FLG: variants seen among roughly 807,000 people sequenced by gnomAD.
The protein encoded by FLG is filaggrin.
In FLG, 6 loss-of-function variants were observed where a neutral mutation model predicts 3.8. The ratio of observed to expected loss-of-function variants is 1.60; its 90% CI spans 0.87 to 3.15. The LOEUF is 3.15. Among genes scored for constraint, FLG ranks in the 30% most tolerant of loss-of-function variants. The probability of loss-of-function intolerance (pLI) is 0.00; values close to 1 mark genes in which losing one functional copy is unlikely to be tolerated. For missense variants in FLG, 7,595 were observed against 5,050.9 expected (o/e 1.50, Z -15.27); for synonymous variants, 2,551 against 1,931.6 (o/e 1.32, Z -8.41).
chr1:152,304,782 G>A lies in FLG; in HGVS notation c.10104C>T (p.His3368=). Residue 3368 remains histidine (H), a synonymous_variant, in exon 3 of 3, where the codon CAC becomes CAT. Transcript: ENST00000368799. ...HGQAGPHQQS[H]QESARDRSGG... Reference sequence around the variant, plus strand: ...CTGACCGGTCACGTGCGGACTCTTGGTGGCTCTGCTGATGGGGCCCAGCCT... The same window carrying A: ...CTGACCGGTCACGTGCGGACTCTTGATGGCTCTGCTGATGGGGCCCAGCCT... 2 of 1,613,854 alleles carry A rather than the reference G, an allele frequency of 1.2e-6. No homozygotes were observed. Among genetic ancestry groups the A allele is most frequent in the Non-Finnish European group, 1.7e-6 (2 of 1,179,964 alleles).
Position 152,311,740 on chromosome 1 carries a change from A to G in FLG, c.3146T>C (p.Ile1049Thr), listed in dbSNP as rs763524963. The G allele has an allele frequency of 1.9e-6, 3 of 1,613,626 alleles. No individual in the cohort carries two copies. Among genetic ancestry groups the G allele is most frequent in the South Asian group, 1.1e-5 (1 of 91,046 alleles). Residue 1049 changes from isoleucine (I) to threonine (T), a missense_variant, in exon 3 of 3, where the codon ATT becomes ACT. Coordinates refer to ENST00000368799, the MANE Select transcript of FLG (RefSeq NM_002016.2). Reference protein sequence around the residue: ...QSADSSRHSGIPRRQASSAVR... With the variant: ...QSADSSRHSGTPRRQASSAVR... ...TGCAGATGAAGCTTGTCTGCGCGGA[A>G]TGCCTGAGTGTCTGGAGCTGTCTGC...
Position 152,311,380 on chromosome 1 carries a change from G to T in FLG, c.3506C>A (p.Pro1169Gln), listed in dbSNP as rs754087511. The T allele has an allele frequency of 1.2e-6, 2 of 1,613,500 alleles. No homozygotes were observed. The highest frequency in any genetic ancestry group is 1.1e-5 in the South Asian group (1 of 91,038). The change falls in exon 3 of 3, where the codon CCG (proline) becomes CAG (glutamine). Residue 1169 changes from proline to glutamine, a missense_variant. Physicochemically the swap from Pro to Gln is moderately conservative, Grantham distance 76 (BLOSUM62 -1). Coordinates refer to ENST00000368799, the MANE Select transcript of FLG (RefSeq NM_002016.2). ...CTGCCTTCCTCCTCTCCTTGACCCC[G>T]GGTGTGCACGAATGGTGTCCTGACC... ...QEGQDTIRAH[P>Q]GSRRGGRQGS...
chr1:152,309,530 T>C lies in FLG; in HGVS notation c.5356A>G (p.Thr1786Ala). The C allele has an allele frequency of 1.9e-6, 3 of 1,613,858 alleles. No individual in the cohort carries two copies. In the South Asian group the frequency reaches 3.3e-5, roughly 18 times the overall value. ...TGGCGGGATCTTTGTCTTCCTCCAG[T>C]GCTGGGCCCTGTGCGTCCATGGGCG... ...ESAHGRTGPS[T>A]GGRQRSRHEQ... is the part of the protein sequence containing the mutation. The change falls in exon 3 of 3, where the codon ACT becomes GCT. Residue 1786 changes from threonine to alanine, a missense_variant. Transcript: ENST00000368799.
rs754603159 is a variant in FLG, at chr1:152,307,288, C to T, written c.7598G>A (p.Arg2533His). 1.9e-5 allele frequency: 30 copies of T among 1,612,866 alleles called. No individual in the cohort carries two copies. The highest frequency in any genetic ancestry group is 1.8e-4 in the East Asian group (8 of 44,760). Reference protein sequence around the residue: ...SGDGSRHSGSRHHEASSRADS... With the variant: ...SGDGSRHSGSHHHEASSRADS... ...GGCCCGAGAGGAAGCTTCATGGTGA[C>T]GCGACCCTGAGTGCCTGGAGCCGTC... Residue 2533 changes from arginine (R) to histidine (H), a missense_variant, in exon 3 of 3, where the codon CGT becomes CAT. Transcript: ENST00000368799.
intron 1 of FLG, among the ~76,000 whole-genome samples, chr1:152,319,338 GTGTT>G (rs1652882897): frequency 6.7e-6 from 1 of 149,596 alleles, no homozygotes; most frequent in African/African-American, 2.5e-5. Flanking sequence ...GTGTGTGTGT[GTGTT>G]TGAAGGTATC....
intron 1 of FLG, among the ~76,000 whole-genome samples, chr1:152,321,285 A>G (rs1340082953): frequency 6.6e-6 from 1 of 150,974 alleles, no homozygotes; most frequent in African/African-American, 2.4e-5. Context: ...GAAGTTTTAA[A>G]AAGAACAAAT....
chr1:152,311,330 C>G lies in FLG; in HGVS notation c.3556G>C (p.Asp1186His), dbSNP rs1652405602. 6.2e-7 allele frequency: 1 copy of G among 1,613,782 alleles called. No homozygotes were observed. The highest frequency in any genetic ancestry group is 8.5e-7 in the Non-Finnish European group (1 of 1,179,984). The change falls in exon 3 of 3, where the codon GAT (aspartate) becomes CAT (histidine). Residue 1186 changes from aspartate (D) to histidine (H), a missense_variant. Asp to His is a moderately conservative substitution (Grantham distance 81). Transcript: ENST00000368799. ...TGGGACCCTGAGTGTCCAGATCTAT[C>G]TACCGATTGCTCATGGTGGGATCCC... ...RQGSHHEQSVDRSGHSGSHHS... is the reference protein window; with the variant it reads ...RQGSHHEQSVHRSGHSGSHHS...
At position 152,310,486 on chromosome 1, in the gene FLG, C is replaced by G; in HGVS notation, c.4400G>C (p.Gly1467Ala). The change falls in exon 3 of 3, where the codon GGA becomes GCA. Residue 1467 changes from glycine (G) to alanine (A), a missense_variant. Transcript: ENST00000368799. ...GTTTCGTGCCTGCTCATGGCGGGAT[C>G]CTTGTCTTCCTCCAGTGCTGGGTGC... ...QTAPSTGGRQ[G>A]SRHEQARNSS... is the part of the protein sequence containing the mutation. The G allele has an allele frequency of 1.2e-6, 2 of 1,613,792 alleles. No individual in the cohort carries two copies. The highest frequency in any genetic ancestry group is 8.5e-7 in the Non-Finnish European group (1 of 1,179,872).
In FLG at chr1:152,315,393, C is replaced by T; in HGVS notation, c.64G>A (p.Asp22Asn). 1.2e-6 allele frequency: 2 copies of T among 1,612,202 alleles called. No individual in the cohort carries two copies. Among genetic ancestry groups the T allele is most frequent in the South Asian group, 1.1e-5 (1 of 90,738 alleles). ...INLFKQYSKK[D>N]KNTDTLSKKE... is the part of the protein sequence containing the mutation. ...TTACTCAATGTGTCAGTGTTTTTAT[C>T]TTTTTTTGAATATTGCTTGAAAAGA... Residue 22 changes from aspartate to asparagine, a missense_variant, in exon 2 of 3, where the codon GAT (aspartate) becomes AAT (asparagine). Asp to Asn is a conservative substitution (Grantham distance 23). Coordinates refer to ENST00000368799, the MANE Select transcript of FLG (RefSeq NM_002016.2).
rs143581559 is a variant in FLG, at chr1:152,313,687, G to A, written c.1199C>T (p.Thr400Ile). The change falls in exon 3 of 3, where the codon ACT becomes ATT. Residue 400 changes from threonine (T) to isoleucine (I), a missense_variant. Transcript: ENST00000368799. ...TGCAGATGAAGCTTGCCCGCGCCCA[G>A]TGGCTGAGTGTCTGGAGCTGTCTGC... ...QSADSSRHSATGRGQASSAVS... is the reference protein window; with the variant it reads ...QSADSSRHSAIGRGQASSAVS... 5 of 1,613,960 alleles carry A rather than the reference G, an allele frequency of 3.1e-6. No homozygotes were observed. The highest frequency in any genetic ancestry group is 3.4e-6 in the Non-Finnish European group (4 of 1,180,030).
Position 152,304,841 on chromosome 1 carries a change from C to A in FLG, c.10045G>T (p.Glu3349Ter). 3 of 1,613,882 alleles carry A rather than the reference C, an allele frequency of 1.9e-6. No individual in the cohort carries two copies. Among genetic ancestry groups the A allele is most frequent in the Non-Finnish European group, 2.5e-6 (3 of 1,179,960 alleles). The change falls in exon 3 of 3, where the codon GAG (glutamate) becomes TAG (stop). Residue 3349 changes from glutamate (E) to a stop codon, truncating the protein, a stop_gained. Transcript: ENST00000368799. LOFTEE classifies it low-confidence loss of function (END_TRUNC). ...CCTGACACTGACTGTGTGTCTGACTCTTCTGAATGTCCCTCACTATCACTG... is the reference window on the plus strand; with the variant it reads ...CCTGACACTGACTGTGTGTCTGACTATTCTGAATGTCCCTCACTATCACTG... ...QASDSEGHSE[E>*]SDTQSVSGHG... is the part of the protein sequence containing the mutation.
At position 152,310,227 on chromosome 1, in the gene FLG, G is replaced by A; in HGVS notation, c.4659C>T (p.Gly1553=). The change falls in exon 3 of 3, where the codon GGC becomes GGT. Residue 1553 remains glycine (G), a synonymous_variant. Coordinates refer to ENST00000368799, the MANE Select transcript of FLG (RefSeq NM_002016.2). ...QTRNEEQSGD[G]SRHSGSRHHE... is the part of the protein sequence containing the mutation. ...GGTGACGTGACCCTGAGTGCCTGGA[G>A]CCGTCTCCTGATTGTTCCTCATTTC... 6.2e-7 allele frequency: 1 copy of A among 1,613,910 alleles called. No homozygotes were observed. The highest frequency in any genetic ancestry group is 8.5e-7 in the Non-Finnish European group (1 of 1,179,986).
At position 152,310,417 on chromosome 1, in the gene FLG, C is replaced by G. The variant is rs143101193; in HGVS notation, c.4469G>C (p.Arg1490Pro). 3 of 1,613,462 alleles carry G rather than the reference C, an allele frequency of 1.9e-6. No individual in the cohort carries two copies. The highest frequency in any genetic ancestry group is 1.1e-5 in the South Asian group (1 of 91,024). ...SASQDGQDTIRGHPGSSRGGR... is the reference protein window; with the variant it reads ...SASQDGQDTIPGHPGSSRGGR... ...TCCTCTGCTTGACCCCGGGTGTCCA[C>G]GAATGGTGTCCTGACCGTCTTGGGA... is the stretch of plus-strand genomic sequence containing the variant. The change falls in exon 3 of 3, where the codon CGT (arginine) becomes CCT (proline). Residue 1490 changes from arginine (R) to proline (P), a missense_variant. Coordinates refer to ENST00000368799, the MANE Select transcript of FLG (RefSeq NM_002016.2).
chr1:152,317,958 T>C (rs1652841869), intron 1 of FLG, among the ~76,000 whole-genome samples: 1 of 152,014 alleles, frequency 6.6e-6, no homozygotes, highest in Non-Finnish European at 1.5e-5. Flanking sequence ...CCAATATCTA[T>C]TCCATCAACA....
Position 152,307,066 on chromosome 1 carries a change from C to G in FLG, c.7820G>C (p.Arg2607Thr), listed in dbSNP as rs536473144. The G allele has an allele frequency of 2.7e-5, 43 of 1,608,890 alleles. No homozygotes were observed. The Admixed American group carries it at 6.2e-4, about 23-fold the overall frequency. Reference sequence around the variant, plus strand: ...ACCAGCTCTGTCTTCTTGATGGGACCTGGGGTGTCTGGAGCCATCTCTTAG... The same window carrying G: ...ACCAGCTCTGTCTTCTTGATGGGACGTGGGGTGTCTGGAGCCATCTCTTAG... Reference protein sequence around the residue: ...EQLRDGSRHPRSHQEDRAGHG... With the variant: ...EQLRDGSRHPTSHQEDRAGHG... The change falls in exon 3 of 3, where the codon AGG becomes ACG. Residue 2607 changes from arginine (R) to threonine (T), a missense_variant. Transcript: ENST00000368799.
rs747439047 is a variant in FLG, at chr1:152,310,376, A to C, written c.4510T>G (p.Tyr1504Asp). The change falls in exon 3 of 3, where the codon TAC (tyrosine) becomes GAC (aspartate). Residue 1504 changes from tyrosine (Y) to aspartate (D), a missense_variant. By Grantham distance (160) the Tyr-to-Asp change is radical. Coordinates refer to ENST00000368799, the MANE Select transcript of FLG (RefSeq NM_002016.2). ...GACCTATCTACTGATTGCTCGTGGT[A>C]GGATCCCTGCCTTCCTCCTCTGCTT... ...GSSRGGRQGS[Y>D]HEQSVDRSGH... The C allele has an allele frequency of 1.2e-6, 2 of 1,613,448 alleles. No individual in the cohort carries two copies. Among genetic ancestry groups the C allele is most frequent in the Admixed American group, 3.3e-5 (2 of 59,948 alleles).
Position 152,307,495 on chromosome 1 carries a change from C to G in FLG, c.7391G>C (p.Gly2464Ala). ...TSQEGQDTIHGHPGSSSGGRQ... is the reference protein window; with the variant it reads ...TSQEGQDTIHAHPGSSSGGRQ... Reference sequence around the variant, plus strand: ...TCCTCCACTGCTTGACCCCGGGTGTCCATGAATGGTGTCCTGACCCTCTTG... The same window carrying G: ...TCCTCCACTGCTTGACCCCGGGTGTGCATGAATGGTGTCCTGACCCTCTTG... The change falls in exon 3 of 3, where the codon GGA (glycine) becomes GCA (alanine). Residue 2464 changes from glycine (G) to alanine (A), a missense_variant. Transcript: ENST00000368799. The G allele has an allele frequency of 1.9e-6, 3 of 1,613,366 alleles. No individual in the cohort carries two copies. The highest frequency in any genetic ancestry group is 2.5e-6 in the Non-Finnish European group (3 of 1,179,790).
chr1:152,311,108 A>T lies in FLG; in HGVS notation c.3778T>A (p.Ser1260Thr). The change falls in exon 3 of 3, where the codon TCC (serine) becomes ACC (threonine). Residue 1260 changes from serine (S) to threonine (T), a missense_variant. By Grantham distance (58) the Ser-to-Thr change is moderately conservative (BLOSUM62 1). Transcript: ENST00000368799. ...GATCCCTGGTGCCTGCTTGTCCTGG[A>T]CCCCGATGATTGTTCCTGTCCCACC... is the stretch of plus-strand genomic sequence containing the variant. ...SQVGQEQSSGSRTSRHQGSSV... is the reference protein window; with the variant it reads ...SQVGQEQSSGTRTSRHQGSSV... 6.2e-7 allele frequency: 1 copy of T among 1,609,776 alleles called. No homozygotes were observed.
In FLG at chr1:152,312,073, G is replaced by C. The variant is rs141646551; in HGVS notation, c.2813C>G (p.Thr938Arg). ...AACACTGGATCCCTGGCGCCTGCTT[G>C]TCCTGGACCCCTCTGATTGTCCCTG... ...AGQGQSEGSR[T>R]SRRQGSSVSQ... Residue 938 changes from threonine (T) to arginine (R), a missense_variant, in exon 3 of 3, where the codon ACA becomes AGA. Coordinates refer to ENST00000368799, the MANE Select transcript of FLG (RefSeq NM_002016.2). 9.8e-4 allele frequency: 1,439 copies of C among 1,465,276 alleles called. 1 individual carries two copies. The highest frequency in any genetic ancestry group is 3.5e-3 in the East Asian group (125 of 35,308). 90.8% of individuals were successfully genotyped at this position (1,465,276 alleles called of 1,614,324 possible).
Sources: gnomAD v4.1 joint callset for allele counts (sites outside exome capture counted in the v4.1 genomes callset) on GRCh38, gnomAD v4.1.1 for gene constraint, MANE v1.5 for transcripts, NCBI Gene and HGNC (gene_info 2026-07-23, HGNC 2026-07-21) for gene names.